The following PLXNA1 variants were observed in gnomAD, a reference collection of about 807,000 sequenced individuals.
PLXNA1 encodes plexin A1.
Under a neutral mutation model 191.7 loss-of-function variants are expected in PLXNA1, and 77 were observed. That is an observed-to-expected ratio of 0.40 (90% CI 0.33 to 0.49). The LOEUF (loss-of-function observed/expected upper bound fraction) is 0.49, where lower values mean the gene tolerates loss of function less well. Ranked by LOEUF, PLXNA1 falls within the 20% of genes least tolerant of loss-of-function variation. PLXNA1 has a pLI of 0.63. For synonymous variants in PLXNA1, 1,137 were observed against 1,156.4 expected (o/e 0.98, Z 0.34); for missense variants, 2,110 against 2,660.2 (o/e 0.79, Z 4.55).
chr3:126,997,333 C>T (rs2079019102), intron 3 of PLXNA1, among the ~76,000 whole-genome samples: 2 of 152,212 alleles, frequency 1.3e-5, no homozygotes, highest in Non-Finnish European at 1.5e-5. Flanking sequence ...TCTCTGGGAC[C>T]ACCTCTGCTG....
At chr3:127,019,635 T>G (rs2079142950) in intron 20 of PLXNA1, among the ~76,000 whole-genome samples, 1 of 152,224 alleles carries the variant, frequency 6.6e-6, no homozygotes, top group African/African-American at 2.4e-5. Context: ...TGGCACTCCT[T>G]TGGCTTCTGA....
chr3:127,005,354 C>T (rs1415080834), intron 7 of PLXNA1, 111 bp downstream of exon 7: 17 of 1,330,312 alleles, frequency 1.3e-5, no homozygotes, highest in Non-Finnish European at 7.1e-6. Flanking sequence ...ATGTTGGTGA[C>T]ACTCTGACAG....
Position 127,008,154 on chromosome 3 carries a change from CT to C in PLXNA1, c.2112+242del, listed in dbSNP as rs1291503146. On this transcript the variant is annotated intron_variant, in intron 9 of 31. Transcript: ENST00000393409. Reference sequence around the variant, plus strand: ...GGCCTGTGGTATTTGTTGGTGACCCCTGGGTGTCCTTCGTGACACTCAGGGA... The same window carrying C: ...GGCCTGTGGTATTTGTTGGTGACCCCGGGTGTCCTTCGTGACACTCAGGGA... Among the ~76,000 whole-genome samples, 4 of 152,256 alleles carry C rather than the reference CT, an allele frequency of 2.6e-5. No homozygotes were observed. The East Asian group carries it at 7.7e-4, about 29-fold the overall frequency.
chr3:126,996,317 C>T (rs977053397), intron 3 of PLXNA1, among the ~76,000 whole-genome samples: 4 of 152,120 alleles, frequency 2.6e-5, no homozygotes, highest in African/African-American at 7.2e-5. Flanking sequence ...GGAACACCTG[C>T]CCCCTAGAGG....
At chr3:126,986,462 C>T (rs1165555347) in intron 1 of PLXNA1, among the ~76,000 whole-genome samples, 5 of 152,348 alleles carry the variant, frequency 3.3e-5, no homozygotes, top group Middle Eastern at 3.4e-3. Flanking sequence ...GTGTGCTGTG[C>T]ACACACTGGG....
At chr3:126,991,262 C>T (rs2078988548) in intron 2 of PLXNA1, 122 bp from the exon 3 acceptor site, 3 of 1,053,730 alleles carry the variant, frequency 2.8e-6, no homozygotes, top group South Asian at 1.6e-5. Flanking sequence ...CTGCACCTCT[C>T]CTCTGGGGGC....
rs377556891 is a variant in PLXNA1, at chr3:127,017,682, G to A, written c.3516+18G>A. 32 of 1,613,108 alleles carry A rather than the reference G, an allele frequency of 2.0e-5. No homozygotes were observed. The highest frequency in any genetic ancestry group is 1.6e-4 in the African/African-American group (12 of 75,020). On this transcript the variant is annotated intron_variant, in intron 18 of 31. Transcript: ENST00000393409. ...TCCTCAAGGTGGGTCACCATTGCCCGTAGGCTGGGCCAAGCCAGGGAAGAG... is the reference window on the plus strand; with the variant it reads ...TCCTCAAGGTGGGTCACCATTGCCCATAGGCTGGGCCAAGCCAGGGAAGAG...
At position 127,003,280 on chromosome 3, in the gene PLXNA1, G is replaced by T. The variant is rs769849839; in HGVS notation, c.1378-50G>T. 6 of 1,522,682 alleles carry T rather than the reference G, an allele frequency of 3.9e-6. No homozygotes were observed. The Admixed American group carries it at 5.7e-5, about 14-fold the overall frequency. 94.3% of individuals were successfully genotyped at this position (1,522,682 alleles called of 1,614,324 possible). ...TGACCTTCTGTGGGGGGTGGGGCTG[G>T]GTCAGGGAGGTATCAGCACAGCTCC... On this transcript the variant is annotated intron_variant, in intron 3 of 31. Transcript: ENST00000393409.
intron 3 of PLXNA1, among the ~76,000 whole-genome samples, chr3:126,996,215 C>T (rs1055416501): frequency 6.6e-6 from 1 of 152,104 alleles, no homozygotes; most frequent in Non-Finnish European, 1.5e-5. Flanking sequence ...CCTCTGGAGC[C>T]CTGCGCAGCG....
chr3:127,022,358 C>G lies in PLXNA1; in HGVS notation c.4295+17C>G. ...ACTGCGCCGGTGAGCCTGGGGGGCACTGGGGTTGGGGGAGGCAGGCCCATG... is the reference window on the plus strand; with the variant it reads ...ACTGCGCCGGTGAGCCTGGGGGGCAGTGGGGTTGGGGGAGGCAGGCCCATG... On this transcript the variant is annotated intron_variant, in intron 22 of 31. Transcript: ENST00000393409. 1.2e-6 allele frequency: 2 copies of G among 1,601,976 alleles called. No individual in the cohort carries two copies. Among genetic ancestry groups the G allele is most frequent in the Non-Finnish European group, 1.7e-6 (2 of 1,171,380 alleles).
chr3:127,022,868 A>G (rs956748131), intron 23 of PLXNA1, 50 bp downstream of exon 23: 2 of 1,483,520 alleles, frequency 1.3e-6, no homozygotes, highest in Non-Finnish European at 1.9e-6. Context: ...GAACAGCGGG[A>G]GGGGAAAACG....
Position 127,005,261 on chromosome 3 carries a change from A to G in PLXNA1, c.1897+18A>G. 6.3e-7 allele frequency: 1 copy of G among 1,593,854 alleles called. No homozygotes were observed. The highest frequency in any genetic ancestry group is 1.1e-5 in the South Asian group (1 of 88,512). On this transcript the variant is annotated intron_variant, in intron 7 of 31. Coordinates refer to ENST00000393409, the MANE Select transcript of PLXNA1 (RefSeq NM_032242.4). ...GGGCCAGGGTGAGTGGCCCCAACAC[A>G]ATGGTGCCCGCTGCCTGGCCAGGTC...
rs746776196 is a variant in PLXNA1 at position 127,018,473 on chromosome 3, G to A, written c.3840G>A (p.Arg1280=). The A allele has an allele frequency of 6.2e-7, 1 of 1,612,764 alleles. No homozygotes were observed. The highest frequency in any genetic ancestry group is 1.3e-5 in the African/African-American group (1 of 75,052). The change falls in exon 20 of 32, where the codon CGG becomes CGA. Residue 1280 remains arginine, a synonymous_variant. Coordinates refer to ENST00000393409, the MANE Select transcript of PLXNA1 (RefSeq NM_032242.4). ...GAGATGCTGACCGCACACTCAAGCG[G>A]CTGCAGCTCCAGATGGACAACCTGG... ...KSRDADRTLK[R]LQLQMDNLES...
At chr3:127,013,892 G>A in intron 10 of PLXNA1, 128 bp from the exon 11 acceptor site, 1 of 792,872 alleles carries the variant, frequency 1.3e-6, no homozygotes, top group Non-Finnish European at 2.3e-6. Flanking sequence ...GGATGAGGGT[G>A]GAGAGGGAGC....
chr3:126,992,368 C>T lies in PLXNA1; in HGVS notation c.1377+802C>T, dbSNP rs564976201. Among the ~76,000 whole-genome samples, 25 of 152,114 alleles carry T rather than the reference C, an allele frequency of 1.6e-4. No individual in the cohort carries two copies. In the South Asian group the frequency reaches 3.1e-3, roughly 19 times the overall value. ...AGTGGTGGGTCCTGGGGTGCATAACCGGCACCAGAGGCTGGTGCCGATGCA... is the reference window on the plus strand; with the variant it reads ...AGTGGTGGGTCCTGGGGTGCATAACTGGCACCAGAGGCTGGTGCCGATGCA... On this transcript the variant is annotated intron_variant, in intron 3 of 31. Transcript: ENST00000393409.
intron 1 of PLXNA1, among the ~76,000 whole-genome samples, chr3:126,983,987 G>A (rs2078944962): frequency 6.6e-6 from 1 of 152,190 alleles, no homozygotes; most frequent in African/African-American, 2.4e-5. Context: ...CCAGGAGGCC[G>A]CCCCGCTCGG....
intron 23 of PLXNA1, among the ~76,000 whole-genome samples, 172 bp downstream of exon 23, chr3:127,022,990 C>T (rs1167956222): frequency 2.0e-5 from 3 of 152,222 alleles, no homozygotes; most frequent in East Asian, 3.8e-4. Flanking sequence ...CAGCTCCTGG[C>T]TCCCGGCTCC....
chr3:126,993,303 C>T (rs1032241104), intron 3 of PLXNA1, among the ~76,000 whole-genome samples: 1 of 152,198 alleles, frequency 6.6e-6, no homozygotes, highest in Non-Finnish European at 1.5e-5. Flanking sequence ...TCCCCTTCTT[C>T]CTGCCCCCAT....
intron 3 of PLXNA1, among the ~76,000 whole-genome samples, chr3:126,992,085 C>T (rs1316006515): frequency 3.9e-5 from 6 of 152,154 alleles, no homozygotes; most frequent in Non-Finnish European, 8.8e-5. Context: ...TTGAGGAGCT[C>T]CAGCACACAG....
Sources: gnomAD v4.1 joint callset for allele counts (sites outside exome capture counted in the v4.1 genomes callset) on GRCh38, gnomAD v4.1.1 for gene constraint, MANE v1.5 for transcripts, NCBI Gene and HGNC (gene_info 2026-07-23, HGNC 2026-07-21) for gene names.